Variants in XPO1 observed in about 807,000 individuals in gnomAD.
The protein encoded by XPO1 is exportin-1.
A neutral mutation model predicts 133.3 loss-of-function variants in XPO1; 5 were observed. The observed-to-expected ratio is 0.04, with a 90% CI of 0.02 to 0.08. The LOEUF is 0.08. Ranked by LOEUF, XPO1 falls within the 10% of genes least tolerant of loss-of-function variation. The pLI is 1.00. For synonymous variants in XPO1, 419 were observed against 408.2 expected, an observed-to-expected ratio of 1.03 and a Z score of -0.32; for missense variants, 506 against 1,267.5, an observed-to-expected ratio of 0.40 and a Z score of 9.12.
intron 4 of XPO1, among the ~76,000 whole-genome samples, chr2:61,516,617 T>G (rs1334772843): frequency 1.3e-5 from 2 of 151,850 alleles, no homozygotes; most frequent in Non-Finnish European, 1.5e-5. Context: ...TTTCTCCATG[T>G]TGGTCAGGCT....
intron 4 of XPO1, among the ~76,000 whole-genome samples, chr2:61,510,052 G>T (rs1265170009): frequency 6.6e-6 from 1 of 152,102 alleles, no homozygotes; most frequent in African/African-American, 2.4e-5. Context: ...GGCCGAGGTG[G>T]GTGGATCACT....
At chr2:61,505,499 C>T (rs1406028575) in intron 4 of XPO1, among the ~76,000 whole-genome samples, 1 of 150,698 alleles carries the variant, frequency 6.6e-6, no homozygotes, top group East Asian at 2.0e-4. Flanking sequence ...TCAAGTGATT[C>T]TCCTGCCTCA....
chr2:61,525,587 TA>T (rs1219867099), intron 3 of XPO1: 4 of 1,017,120 alleles, frequency 3.9e-6, no homozygotes, highest in Non-Finnish European at 4.7e-6. Context: ...TAAACATTAG[TA>T]ATGTCTGTCA....
intron 4 of XPO1, 110 bp downstream of exon 4, chr2:61,522,501 A>G: frequency 2.0e-6 from 2 of 981,600 alleles, no homozygotes; most frequent in Non-Finnish European, 1.5e-6. Context: ...AATAAGCTCC[A>G]TTAGAGCAAA....
chr2:61,488,584 C>T lies in XPO1; in HGVS notation c.2206+4G>A, dbSNP rs1383814660. On this transcript the variant is annotated splice_donor_region_variant and intron_variant, in intron 18 of 24. Transcript: ENST00000401558. ...GCATTGTGTAAGAAATCAGAATCACCTACCATTAGCTTGGATAGCTGCAGA... is the reference window on the plus strand; with the variant it reads ...GCATTGTGTAAGAAATCAGAATCACTTACCATTAGCTTGGATAGCTGCAGA... 6.2e-7 allele frequency: 1 copy of T among 1,612,034 alleles called. No homozygotes were observed. The highest frequency in any genetic ancestry group is 1.7e-5 in the Admixed American group (1 of 59,774).
chr2:61,498,315 T>C (rs1391296732), intron 9 of XPO1, among the ~76,000 whole-genome samples: 1 of 152,208 alleles, frequency 6.6e-6, no homozygotes, highest in Admixed American at 6.6e-5. Context: ...TAAACCATTA[T>C]AGAACTTAAG....
At chr2:61,537,069 G>A (rs746106398) in intron 1 of XPO1, 1 of 152,170 alleles carries the variant, frequency 6.6e-6, no homozygotes, top group African/African-American at 2.4e-5. Flanking sequence ...CCTTGCTGGA[G>A]GAACAGGGAG....
chr2:61,496,792 C>G lies in XPO1; in HGVS notation c.888+87G>C, dbSNP rs555920402. 3 of 1,293,040 alleles carry G rather than the reference C, an allele frequency of 2.3e-6. No homozygotes were observed. In the African/African-American group the frequency reaches 4.6e-5, roughly 20 times the overall value. The allele number at this position is 1,293,040 out of a possible 1,614,324, so 80.1% of individuals were successfully genotyped here. A position where few individuals can be genotyped will look rare whatever the true frequency, so the allele number is the denominator to read the frequency against. On this transcript the variant is annotated intron_variant, in intron 10 of 24. Coordinates refer to ENST00000401558, the MANE Select transcript of XPO1 (RefSeq NM_003400.4). ...AAAAGATTATGGCTTATCTTTGATA[C>G]GTCGTTCTAAAATAACTCATTTGGA... is the stretch of plus-strand genomic sequence containing the variant.
chr2:61,484,044 G>A lies in XPO1; in HGVS notation c.2570C>T (p.Ser857Phe). The A allele has an allele frequency of 1.2e-6, 2 of 1,613,812 alleles. No homozygotes were observed. Among genetic ancestry groups the A allele is most frequent in the Non-Finnish European group, 8.5e-7 (1 of 1,179,822 alleles). The part of the protein sequence containing the change: ...NFFLLLQAVN[S>F]HCFPAFLAIP... ...AGCAAGGAATGCTGGGAAACAATGAGAATTGACAGCCTGAAGTAGTAAGAA... is the reference window on the plus strand; with the variant it reads ...AGCAAGGAATGCTGGGAAACAATGAAAATTGACAGCCTGAAGTAGTAAGAA... Residue 857 changes from serine (S) to phenylalanine (F), a missense_variant, in exon 21 of 25, where the codon TCT (serine) becomes TTT (phenylalanine). Physicochemically the swap from Ser to Phe is radical, Grantham distance 155. Coordinates refer to ENST00000401558, the MANE Select transcript of XPO1 (RefSeq NM_003400.4).
chr2:61,532,868 C>A (rs1024674286), intron 2 of XPO1, among the ~76,000 whole-genome samples: 1 of 149,866 alleles, frequency 6.7e-6, no homozygotes, highest in Non-Finnish European at 1.5e-5. Context: ...AACTGCAAAA[C>A]TTTTTACTCA....
At chr2:61,528,539 A>T (rs1444190071) in intron 2 of XPO1, among the ~76,000 whole-genome samples, 1 of 151,154 alleles carries the variant, frequency 6.6e-6, no homozygotes, top group Admixed American at 6.6e-5. Context: ...AGGCTGAGGC[A>T]GGAGAATCGC....
chr2:61,515,937 C>CACACACA (rs1553412670), intron 4 of XPO1, among the ~76,000 whole-genome samples: 2 of 110,760 alleles, frequency 1.8e-5, no homozygotes, highest in Admixed American at 9.5e-5. Context: ...AAAAAAAAAA[C>CACACACA]CACACACACA....
intron 4 of XPO1, among the ~76,000 whole-genome samples, chr2:61,506,180 G>A (rs368441544): frequency 1.3e-5 from 2 of 152,182 alleles, no homozygotes; most frequent in East Asian, 1.9e-4. Flanking sequence ...CAACACTCTG[G>A]AAGGCCGAGG....
At chr2:61,505,225 T>A (rs1021576624) in intron 4 of XPO1, among the ~76,000 whole-genome samples, 2 of 152,114 alleles carry the variant, frequency 1.3e-5, no homozygotes, top group African/African-American at 4.8e-5. Flanking sequence ...ACTCCAAACC[T>A]CAAGCAATCC....
intron 9 of XPO1, 42 bp downstream of exon 9, chr2:61,498,631 G>T: frequency 6.2e-7 from 1 of 1,606,778 alleles, no homozygotes; most frequent in Non-Finnish European, 8.5e-7. Flanking sequence ...AAGAATATAT[G>T]TGGCTATCCG....
Position 61,488,642 on chromosome 2 carries a change from G to C in XPO1, c.2152C>G (p.Leu718Val). ...IQLGRIYLDM[L>V]NVYKCLSENI... ...TCACTGAGGCACTTGTATACATTAA[G>C]CATATCTAAATAAATTCTTCCAAGC... is the stretch of plus-strand genomic sequence containing the variant. The change falls in exon 18 of 25, where the codon CTT becomes GTT. Residue 718 changes from leucine to valine, a missense_variant. Leu to Val is a conservative substitution (Grantham distance 32). Transcript: ENST00000401558. 3 of 1,613,530 alleles carry C rather than the reference G, an allele frequency of 1.9e-6. No homozygotes were observed. Among genetic ancestry groups the C allele is most frequent in the Non-Finnish European group, 2.5e-6 (3 of 1,179,668 alleles).
Position 61,484,500 on chromosome 2 carries a change from ACT to A in XPO1, c.2509-397_2509-396del, listed in dbSNP as rs549835431. ...CTCTTTTTTCTTTTTAAACAGTCTC[ACT>A]CTGTCACCCAGGCTGTAGTGCAGTG... is the stretch of plus-strand genomic sequence containing the variant. On this transcript the variant is annotated intron_variant, in intron 20 of 24. Transcript: ENST00000401558. The A allele has an allele frequency of 6.7e-4, 111 of 166,860 alleles. 1 individual carries two copies. The highest frequency in any genetic ancestry group is 1.2e-3 in the Non-Finnish European group (91 of 78,426). The allele number at this position is 166,860 out of a possible 1,614,324, so 10.3% of individuals were successfully genotyped here. A position where few individuals can be genotyped will look rare whatever the true frequency, so the allele number is the denominator to read the frequency against.
At chr2:61,498,135 T>G (rs1002839623) in intron 9 of XPO1, among the ~76,000 whole-genome samples, 1 of 152,188 alleles carries the variant, frequency 6.6e-6, no homozygotes. Flanking sequence ...CTCGCTCTGT[T>G]GCCCAGGCTG....
intron 19 of XPO1, among the ~76,000 whole-genome samples, chr2:61,486,986 C>CTT (rs879523625): frequency 2.1e-5 from 3 of 143,078 alleles, no homozygotes; most frequent in Non-Finnish European, 3.1e-5. Flanking sequence ...ACTTCTTGTT[C>CTT]TTTTTTTTTT....
Sources: gnomAD v4.1 joint callset for allele counts (sites outside exome capture counted in the v4.1 genomes callset) on GRCh38, gnomAD v4.1.1 for gene constraint, MANE v1.5 for transcripts, NCBI Gene and HGNC (gene_info 2026-07-23, HGNC 2026-07-21) for gene names.